The following DYM variants were observed in gnomAD, a reference collection of about 807,000 sequenced individuals.
The protein encoded by DYM is dyggve-Melchior-Clausen syndrome protein.
A neutral mutation model predicts 93.1 loss-of-function variants in DYM; 78 were observed. The observed-to-expected ratio is 0.84, with a 90% CI of 0.70 to 1.01. DYM has a LOEUF of 1.01. Ranked by LOEUF, DYM falls within the 50% of genes least tolerant of loss-of-function variation. The probability of loss-of-function intolerance (pLI) is 0.00; values close to 1 mark genes in which losing one functional copy is unlikely to be tolerated. For missense variants in DYM, 789 were observed against 845.0 expected (o/e 0.93, Z 0.82); for synonymous variants, 321 against 319.7 (o/e 1.00, Z -0.04).
chr18:49,437,017 G>A (rs192427131), intron 1 of DYM, among the ~76,000 whole-genome samples: 297 of 151,644 alleles, frequency 2.0e-3, no homozygotes, highest in African/African-American at 7.0e-3. Context: ...AAGCAACAAC[G>A]AGAAACAATA....
At chr18:49,142,589 T>C (rs182933942) in intron 15 of DYM, among the ~76,000 whole-genome samples, 1 of 152,260 alleles carries the variant, frequency 6.6e-6, no homozygotes, top group African/African-American at 2.4e-5. Context: ...ACAAAAAATT[T>C]CCAGAGTCTG....
intron 5 of DYM, among the ~76,000 whole-genome samples, chr18:49,373,417 T>C (rs2067222884): frequency 6.6e-6 from 1 of 152,172 alleles, no homozygotes; most frequent in Non-Finnish European, 1.5e-5. Flanking sequence ...CCATATAGGG[T>C]AACTTCTTAA....
chr18:49,394,508 T>C (rs1286069942), intron 2 of DYM, among the ~76,000 whole-genome samples: 2 of 152,204 alleles, frequency 1.3e-5, no homozygotes, highest in Non-Finnish European at 2.9e-5. Context: ...GCTTTGGCTA[T>C]TCTGGGTCTT....
intron 14 of DYM, among the ~76,000 whole-genome samples, chr18:49,164,630 T>A (rs894623810): frequency 6.6e-6 from 1 of 152,170 alleles, no homozygotes; most frequent in Admixed American, 6.5e-5. Context: ...CCAAGTGTCT[T>A]CTTGAATGTT....
At chr18:49,435,736 C>T (rs1363494351) in intron 1 of DYM, among the ~76,000 whole-genome samples, 2 of 152,094 alleles carry the variant, frequency 1.3e-5, no homozygotes, top group Non-Finnish European at 2.9e-5. Context: ...TTGCAGTGAA[C>T]CGAGATCGTG....
chr18:49,356,479 A>G (rs1190731917), intron 6 of DYM, among the ~76,000 whole-genome samples: 2 of 152,174 alleles, frequency 1.3e-5, no homozygotes, highest in Admixed American at 1.3e-4. Flanking sequence ...CAACACCTAA[A>G]ACTTAAAATA....
intron 8 of DYM, among the ~76,000 whole-genome samples, chr18:49,329,418 A>G (rs1175447829): frequency 1.3e-5 from 2 of 152,208 alleles, no homozygotes; most frequent in African/African-American, 2.4e-5. Context: ...CATGTACCCT[A>G]GAAAAAGTAT....
intron 17 of DYM, among the ~76,000 whole-genome samples, chr18:49,058,547 A>G (rs1419305635): frequency 6.6e-6 from 1 of 152,150 alleles, no homozygotes; most frequent in African/African-American, 2.4e-5. Context: ...TTTGTGGTCA[A>G]GTGATCCTCC....
At chr18:49,080,314 G>A (rs2077774214) in intron 17 of DYM, among the ~76,000 whole-genome samples, 1 of 138,548 alleles carries the variant, frequency 7.2e-6, no homozygotes, top group Admixed American at 6.9e-5. Context: ...CTCCCGGACG[G>A]GGTGGCTGGC....
chr18:49,228,165 T>C (rs2093593811), intron 13 of DYM, among the ~76,000 whole-genome samples: 1 of 152,290 alleles, frequency 6.6e-6, no homozygotes, highest in African/African-American at 2.4e-5. Flanking sequence ...GAAACCACCA[T>C]ATTTATTAAC....
intron 13 of DYM, among the ~76,000 whole-genome samples, chr18:49,235,037 C>T (rs2093819222): frequency 6.6e-6 from 1 of 152,158 alleles, no homozygotes; most frequent in Non-Finnish European, 1.5e-5. Flanking sequence ...AGATTCTTCC[C>T]AGAGCCTCCC....
chr18:49,254,494 T>C (rs1317504728), intron 13 of DYM, among the ~76,000 whole-genome samples: 1 of 152,104 alleles, frequency 6.6e-6, no homozygotes, highest in Non-Finnish European at 1.5e-5. Flanking sequence ...CTACTCATTA[T>C]TGATGATAAA....
chr18:49,450,589 T>C (rs1259342521), intron 1 of DYM, among the ~76,000 whole-genome samples: 1 of 152,234 alleles, frequency 6.6e-6, no homozygotes, highest in Non-Finnish European at 1.5e-5. Flanking sequence ...GCTTTCTGGA[T>C]TGTTCAGAAG....
chr18:49,219,319 C>A (rs1183611490), intron 13 of DYM, among the ~76,000 whole-genome samples: 2 of 152,150 alleles, frequency 1.3e-5, no homozygotes, highest in Non-Finnish European at 2.9e-5. Context: ...CCAAATTCTA[C>A]CAGAGGTACA....
In DYM at chr18:49,379,749, T is replaced by C. The variant is rs966925938; in HGVS notation, c.203A>G (p.Asn68Ser). Residue 68 changes from asparagine to serine, a missense_variant, in exon 4 of 18, where the codon AAT becomes AGT. By Grantham distance (46) the Asn-to-Ser change is conservative. Around this residue, in one of 3 missense-constraint regions of DYM, gnomAD observed 450 missense variants for 436.2 expected, o/e 1.03. Coordinates refer to ENST00000675505, the MANE Select transcript of DYM (RefSeq NM_001353214.3). ...ISVCRSLVEN[N>S]PRTGNLGALI... ...TGCACCAAGATTTCCTGTTCGAGGATTGTTTTCAACTGCAAGAGAAGAAAA... is the reference window on the plus strand; with the variant it reads ...TGCACCAAGATTTCCTGTTCGAGGACTGTTTTCAACTGCAAGAGAAGAAAA... The C allele has an allele frequency of 3.7e-6, 6 of 1,612,870 alleles. No individual in the cohort carries two copies. The highest frequency in any genetic ancestry group is 5.1e-6 in the Non-Finnish European group (6 of 1,179,100).
At chr18:49,377,720 T>C (rs1183544990) in intron 5 of DYM, among the ~76,000 whole-genome samples, 1 of 152,220 alleles carries the variant, frequency 6.6e-6, no homozygotes, top group Non-Finnish European at 1.5e-5. Flanking sequence ...ATATTTGACT[T>C]TGACATTTAA....
At chr18:49,407,618 C>T (rs2071656510) in intron 2 of DYM, among the ~76,000 whole-genome samples, 1 of 152,208 alleles carries the variant, frequency 6.6e-6, no homozygotes, top group Non-Finnish European at 1.5e-5. Context: ...CAAGAATTCA[C>T]TCATCATCAG....
In DYM at chr18:49,455,156, A is replaced by G. The variant is rs558252572; in HGVS notation, c.-54+5242T>C. Among the ~76,000 whole-genome samples the G allele has an allele frequency of 2.4e-3, 372 of 152,352 alleles. 1 individual carries two copies. Among genetic ancestry groups the G allele is most frequent in the Non-Finnish European group, 4.1e-3 (278 of 68,028 alleles). On this transcript the variant is annotated intron_variant, in intron 1 of 17. Coordinates refer to ENST00000675505, the MANE Select transcript of DYM (RefSeq NM_001353214.3). ...CCGCACATAGTAACCGTACAACTGC[A>G]TACATCCTCCCTAAGACTTCCAGAT...
chr18:49,065,337 A>G lies in DYM; in HGVS notation c.2026-21133T>C, dbSNP rs1451142996. On this transcript the variant is annotated intron_variant, in intron 17 of 17. Coordinates refer to ENST00000675505, the MANE Select transcript of DYM (RefSeq NM_001353214.3). ...TCCTCTAACTCATATTGCCTAGGCCATGTTTTCCTTTTTCTAGTGAAACAG... is the reference window on the plus strand; with the variant it reads ...TCCTCTAACTCATATTGCCTAGGCCGTGTTTTCCTTTTTCTAGTGAAACAG... Among the ~76,000 whole-genome samples, 3 of 152,266 alleles carry G rather than the reference A, an allele frequency of 2.0e-5. No individual in the cohort carries two copies. In the East Asian group the frequency reaches 5.8e-4, roughly 29 times the overall value.
Sources: allele counts gnomAD v4.1 joint callset (sites outside exome capture counted in the v4.1 genomes callset), GRCh38; gene constraint gnomAD v4.1.1; regional missense constraint gnomAD v4.1.1; transcripts MANE v1.5; gene names NCBI Gene and HGNC (gene_info 2026-07-23, HGNC 2026-07-21).